Variants in PLCG2 observed in about 807,000 individuals in gnomAD.
PLCG2 encodes the protein phospholipase C gamma 2.
In PLCG2, 69 loss-of-function variants were observed where a neutral mutation model predicts 175.6. The ratio of observed to expected loss-of-function variants is 0.39; its 90% CI spans 0.32 to 0.48. PLCG2 has a LOEUF of 0.48. Among genes scored for constraint, PLCG2 ranks in the 20% least tolerant of loss-of-function variants. PLCG2 has a pLI of 0.91. For synonymous variants in PLCG2, 827 were observed against 624.0 expected (o/e 1.33, Z -4.85); for missense variants, 1,798 against 1,650.9 (o/e 1.09, Z -1.54).
At chr16:81,826,070 T>A (rs1407575329) in intron 2 of PLCG2, among the ~76,000 whole-genome samples, 1 of 152,148 alleles carries the variant, frequency 6.6e-6, no homozygotes, top group Non-Finnish European at 1.5e-5. Context: ...CAAAATGGAA[T>A]TTGTCACCAA....
intron 12 of PLCG2, chr16:81,895,490 G>A: frequency 3.9e-6 from 1 of 259,710 alleles, no homozygotes; most frequent in South Asian, 5.6e-5. Context: ...AACCCGGGAG[G>A]CGGAGATTGC....
intron 2 of PLCG2, among the ~76,000 whole-genome samples, chr16:81,828,937 A>C (rs564834888): frequency 7.7e-4 from 117 of 152,238 alleles, no homozygotes; most frequent in African/African-American, 2.6e-3. Flanking sequence ...ATTTTACAGG[A>C]GATCACAGAA....
At position 81,927,129 on chromosome 16, in the gene PLCG2, A is replaced by C. The variant is rs746172717; in HGVS notation, c.2465A>C (p.Asn822Thr). 3 of 1,613,938 alleles carry C rather than the reference A, an allele frequency of 1.9e-6. No homozygotes were observed. The highest frequency in any genetic ancestry group is 1.1e-5 in the South Asian group (1 of 91,088). The part of the protein sequence containing the change: ...GTRIQQYFPS[N>T]YVEDISTADF... ...AGGATCCAGCAGTACTTCCCATCCA[A>C]CTACGTCGAGGACATCTCAACTGCA... is the stretch of plus-strand genomic sequence containing the variant. The change falls in exon 23 of 33, where the codon AAC becomes ACC. Residue 822 changes from asparagine to threonine, a missense_variant. Asn to Thr is a moderately conservative substitution (Grantham distance 65). Coordinates refer to ENST00000564138, the MANE Select transcript of PLCG2 (RefSeq NM_002661.5).
intron 2 of PLCG2, among the ~76,000 whole-genome samples, chr16:81,801,094 C>T (rs887279070): frequency 1.3e-5 from 2 of 152,116 alleles, no homozygotes; most frequent in African/African-American, 2.4e-5. Flanking sequence ...GACTTTTGCT[C>T]GTCTCCAGAG....
intron 2 of PLCG2, among the ~76,000 whole-genome samples, chr16:81,808,207 C>G (rs933704700): frequency 2.0e-5 from 3 of 152,188 alleles, no homozygotes; most frequent in African/African-American, 7.2e-5. Context: ...GCATTTGTGA[C>G]TACATTTAAC....
At chr16:81,926,033 G>A (rs1466293839) in intron 22 of PLCG2, among the ~76,000 whole-genome samples, 7 of 152,220 alleles carry the variant, frequency 4.6e-5, no homozygotes, top group East Asian at 1.9e-4. Context: ...CAGCCTAGGG[G>A]GCAGTCAGGG....
chr16:81,843,573 G>A (rs2143434644), intron 2 of PLCG2, among the ~76,000 whole-genome samples: 1 of 152,292 alleles, frequency 6.6e-6, no homozygotes, highest in Middle Eastern at 3.4e-3. Flanking sequence ...TGAATACAAA[G>A]CATCTACAGC....
At chr16:81,800,832 G>T (rs555342788) in intron 2 of PLCG2, among the ~76,000 whole-genome samples, 1 of 152,164 alleles carries the variant, frequency 6.6e-6, no homozygotes, top group Non-Finnish European at 1.5e-5. Flanking sequence ...GAGATGGGGA[G>T]ATGATCCTGG....
Position 81,807,058 on chromosome 16 carries a change from A to C in PLCG2, c.193+20876A>C, listed in dbSNP as rs189323331. 3.3e-5 allele frequency among the ~76,000 whole-genome samples: 5 copies of C among 152,058 alleles called. No homozygotes were observed. The East Asian group carries it at 7.7e-4, about 23-fold the overall frequency. On this transcript the variant is annotated intron_variant, in intron 2 of 32. Transcript: ENST00000564138. Reference sequence around the variant, plus strand: ...GGCTTTCTCCTGAGTCGTCCATTCTACCTTCTCGCCAAGGCTTCCTAGGTC... The same window carrying C: ...GGCTTTCTCCTGAGTCGTCCATTCTCCCTTCTCGCCAAGGCTTCCTAGGTC...
intron 2 of PLCG2, among the ~76,000 whole-genome samples, chr16:81,833,937 C>T (rs992818718): frequency 1.8e-4 from 28 of 152,158 alleles, no homozygotes; most frequent in African/African-American, 6.8e-4. Flanking sequence ...TACCTGACTT[C>T]AAAGGAAGCA....
At chr16:81,830,245 A>C (rs1016100833) in intron 2 of PLCG2, among the ~76,000 whole-genome samples, 1 of 152,102 alleles carries the variant, frequency 6.6e-6, no homozygotes, top group Non-Finnish European at 1.5e-5. Flanking sequence ...ACCTAAGCCC[A>C]GGAGGTTGAG....
At chr16:81,741,188 G>A (rs1017462413) in intron 1 of PLCG2, among the ~76,000 whole-genome samples, 15 of 151,968 alleles carry the variant, frequency 9.9e-5, no homozygotes, top group African/African-American at 2.7e-4. Context: ...ATTAGAGCTC[G>A]CTTATAAGAG....
chr16:81,887,591 T>C (rs1181604480), intron 9 of PLCG2, among the ~76,000 whole-genome samples: 1 of 152,234 alleles, frequency 6.6e-6, no homozygotes, highest in African/African-American at 2.4e-5. Context: ...CTTGCACCCA[T>C]GCATGTCACC....
At chr16:81,866,845 C>T (rs1004819746) in intron 5 of PLCG2, among the ~76,000 whole-genome samples, 1 of 152,264 alleles carries the variant, frequency 6.6e-6, no homozygotes, top group Non-Finnish European at 1.5e-5. Flanking sequence ...GTTCCCACTG[C>T]TCCTCCACCT....
chr16:81,854,594 G>A lies in PLCG2; in HGVS notation c.337+7G>A. The A allele has an allele frequency of 1.2e-6, 2 of 1,612,364 alleles. No individual in the cohort carries two copies. The highest frequency in any genetic ancestry group is 1.7e-6 in the Non-Finnish European group (2 of 1,178,546). ...AGCACGCTCAGCTTGGCAGGTAGGT[G>A]CATGTTTCTGTGCCTTTCTCCTTCC... On this transcript the variant is annotated splice_region_variant and intron_variant, in intron 3 of 32. Transcript: ENST00000564138.
intron 2 of PLCG2, among the ~76,000 whole-genome samples, chr16:81,851,534 G>A (rs12934992): frequency 0.14 from 21,695 of 151,840 alleles, 1,621 homozygotes; most frequent in Middle Eastern, 0.19. Flanking sequence ...TGTTGTTGAG[G>A]CGAAGTCTCA....
At position 81,751,090 on chromosome 16, in the gene PLCG2, C is replaced by G. The variant is rs140774657; in HGVS notation, c.-144-4780C>G. ...CCACCTCCAGGGTTTAAGTGATTCT[C>G]CTGCCTCAGCCTCCTCAGTAGCTGG... On this transcript the variant is annotated intron_variant, in intron 1 of 5. Transcript: ENST00000565054. Among the ~76,000 whole-genome samples the G allele has an allele frequency of 1.1e-3, 168 of 149,252 alleles. 3 individuals carry two copies. In the East Asian group the frequency reaches 0.03, roughly 26 times the overall value.
intron 2 of PLCG2, among the ~76,000 whole-genome samples, chr16:81,810,759 A>G (rs983429098): frequency 9.9e-5 from 15 of 151,840 alleles, no homozygotes; most frequent in Non-Finnish European, 1.6e-4. Flanking sequence ...TCTATGGATC[A>G]TTTGCTCAGG....
intron 1 of PLCG2, among the ~76,000 whole-genome samples, chr16:81,745,894 G>C (rs1909694596): frequency 6.6e-6 from 1 of 152,184 alleles, no homozygotes; most frequent in Non-Finnish European, 1.5e-5. Context: ...TTATTCCTGA[G>C]CCTCCTGGCT....
Sources: allele counts gnomAD v4.1 joint callset (sites outside exome capture counted in the v4.1 genomes callset), GRCh38; gene constraint gnomAD v4.1.1; transcripts MANE v1.5; gene names NCBI Gene and HGNC (gene_info 2026-07-23, HGNC 2026-07-21).